The following AGBL4 variants were observed in gnomAD, a reference collection of about 807,000 sequenced individuals.
AGBL4 encodes AGBL carboxypeptidase 4, also known as cytosolic carboxypeptidase 6.
AGBL4 carries 58 observed loss-of-function variants against 66.4 expected under a neutral mutation model. That is an observed-to-expected ratio of 0.87 (90% CI 0.71 to 1.09). AGBL4 has a LOEUF of 1.09. Ranked by LOEUF, AGBL4 falls within the 50% of genes least tolerant of loss-of-function variation. The pLI is 0.00. For synonymous variants in AGBL4, 234 were observed against 222.9 expected (o/e 1.05, Z -0.44); for missense variants, 579 against 631.0 (o/e 0.92, Z 0.88).
At chr1:49,350,771 C>A (rs35185599) in intron 3 of AGBL4, among the ~76,000 whole-genome samples, 4 of 151,826 alleles carry the variant, frequency 2.6e-5, no homozygotes, top group Admixed American at 1.3e-4. Flanking sequence ...AACCTTCCCC[C>A]CAACTCCCCA....
chr1:48,600,286 G>A (rs1645055017), intron 9 of AGBL4, among the ~76,000 whole-genome samples: 1 of 152,148 alleles, frequency 6.6e-6, no homozygotes, highest in Non-Finnish European at 1.5e-5. Flanking sequence ...GGTGTGGGAA[G>A]TTCCCAGGGC....
At chr1:48,890,820 G>A (rs1025860820) in intron 5 of AGBL4, among the ~76,000 whole-genome samples, 2 of 152,312 alleles carry the variant, frequency 1.3e-5, no homozygotes, top group African/African-American at 4.8e-5. Flanking sequence ...ATCAAAGATC[G>A]TTATGCCCAT....
chr1:48,850,778 C>T (rs1647015963), intron 6 of AGBL4, among the ~76,000 whole-genome samples: 1 of 152,104 alleles, frequency 6.6e-6, no homozygotes, highest in African/African-American at 2.4e-5. Context: ...CAGCCTCCCA[C>T]CCATTCAGTT....
At chr1:49,272,659 C>T (rs1644085921) in intron 3 of AGBL4, among the ~76,000 whole-genome samples, 1 of 152,064 alleles carries the variant, frequency 6.6e-6, no homozygotes, top group Non-Finnish European at 1.5e-5. Flanking sequence ...TTTAAAAAGA[C>T]ACAATTTAAA....
chr1:49,310,337 C>A (rs1360886726), intron 3 of AGBL4, among the ~76,000 whole-genome samples: 1 of 152,030 alleles, frequency 6.6e-6, no homozygotes, highest in Non-Finnish European at 1.5e-5. Flanking sequence ...ACTGTTTTAG[C>A]AATAGATTAT....
chr1:49,143,199 TA>T (rs1420005830), intron 4 of AGBL4, among the ~76,000 whole-genome samples: 1 of 152,178 alleles, frequency 6.6e-6, no homozygotes, highest in African/African-American at 2.4e-5. Flanking sequence ...GGAGAAGCCA[TA>T]CTGAACTTGT....
intron 2 of AGBL4, among the ~76,000 whole-genome samples, chr1:49,710,354 C>T (rs1558182737): frequency 1.3e-5 from 2 of 152,096 alleles, no homozygotes; most frequent in Non-Finnish European, 2.9e-5. Flanking sequence ...AAACCAAACA[C>T]CGCAAGTTTT....
intron 1 of AGBL4, among the ~76,000 whole-genome samples, chr1:49,972,043 G>A (rs1421521959): frequency 6.7e-5 from 10 of 149,052 alleles, no homozygotes; most frequent in African/African-American, 1.2e-4. Flanking sequence ...TCAGCCTCCC[G>A]AGTAGCTGGG....
In AGBL4 at chr1:48,785,320, A is replaced by G. The variant is rs573273217; in HGVS notation, c.634+81871T>C. On this transcript the variant is annotated intron_variant, in intron 6 of 13. Coordinates refer to ENST00000371839, the MANE Select transcript of AGBL4 (RefSeq NM_032785.4). ...CCTTGTGCCTAACCTGGCACATGAG[A>G]AACCCTAAACAGACACTTGTTGAAT... Among the ~76,000 whole-genome samples, 5 of 152,324 alleles carry G rather than the reference A, an allele frequency of 3.3e-5. No homozygotes were observed. In the East Asian group the frequency reaches 9.7e-4, roughly 29 times the overall value.
intron 4 of AGBL4, among the ~76,000 whole-genome samples, chr1:49,074,797 G>A (rs979919220): frequency 4.6e-5 from 7 of 152,060 alleles, no homozygotes; most frequent in African/African-American, 1.7e-4. Context: ...ACTAGTCTGG[G>A]GGATCTTCTA....
chr1:49,092,794 T>C (rs146311421), intron 4 of AGBL4, among the ~76,000 whole-genome samples: 2 of 152,226 alleles, frequency 1.3e-5, no homozygotes, highest in African/African-American at 4.8e-5. Flanking sequence ...TTCAAATATT[T>C]GTTGAAGGAA....
At chr1:49,531,801 C>T (rs1167310) in intron 3 of AGBL4, among the ~76,000 whole-genome samples, 103,114 of 151,780 alleles carry the variant, frequency 0.68, 35,831 homozygotes, top group African/African-American at 0.77. Flanking sequence ...TACACTAGCA[C>T]GTTACTATTG....
At chr1:49,023,765 A>G (rs1663424948) in intron 5 of AGBL4, among the ~76,000 whole-genome samples, 1 of 152,198 alleles carries the variant, frequency 6.6e-6, no homozygotes, top group Non-Finnish European at 1.5e-5. Context: ...AATATTATAA[A>G]TGGCAGAATC....
chr1:49,265,276 AG>A (rs1285054097), intron 3 of AGBL4, among the ~76,000 whole-genome samples: 1 of 152,178 alleles, frequency 6.6e-6, no homozygotes, highest in East Asian at 1.9e-4. Context: ...AGTGGGGAAA[AG>A]CTCTTTGGAG....
In AGBL4 at chr1:48,707,299, C is replaced by T. The variant is rs180851737; in HGVS notation, c.635-44058G>A. The stretch of plus-strand genomic sequence containing the variant: ...ACAGAGTGAGACCCTATATCCAAAA[C>T]AACAACAACAACAACAACAAAAACA... On this transcript the variant is annotated intron_variant, in intron 6 of 13. Transcript: ENST00000371839. 2.5e-3 allele frequency among the ~76,000 whole-genome samples: 385 copies of T among 151,874 alleles called. 3 individuals carry two copies. The highest frequency in any genetic ancestry group is 9.0e-3 in the African/African-American group (373 of 41,422).
chr1:49,873,725 A>C (rs1010983181), intron 1 of AGBL4, among the ~76,000 whole-genome samples: 2 of 151,982 alleles, frequency 1.3e-5, no homozygotes, highest in African/African-American at 4.8e-5. Flanking sequence ...AAGCCCTCAA[A>C]ATCATCTTTG....
intron 3 of AGBL4, among the ~76,000 whole-genome samples, chr1:49,275,866 G>A (rs1644157387): frequency 6.6e-6 from 1 of 151,822 alleles, no homozygotes; most frequent in Non-Finnish European, 1.5e-5. Flanking sequence ...TAAACTTTGG[G>A]GAAAATCACC....
chr1:49,772,991 A>G (rs1644104412), intron 2 of AGBL4, among the ~76,000 whole-genome samples: 1 of 152,130 alleles, frequency 6.6e-6, no homozygotes, highest in Non-Finnish European at 1.5e-5. Flanking sequence ...TTGATCACTT[A>G]ATAGCGTCTC....
intron 6 of AGBL4, chr1:48,728,080 G>A: frequency 1.3e-6 from 2 of 1,529,792 alleles, no homozygotes; most frequent in Non-Finnish European, 1.8e-6. Flanking sequence ...AGGATTAATG[G>A]TGAATTCAAG....
Sources: gnomAD v4.1 joint callset for allele counts (sites outside exome capture counted in the v4.1 genomes callset) on GRCh38, gnomAD v4.1.1 for gene constraint, MANE v1.5 for transcripts, NCBI Gene and HGNC (gene_info 2026-07-23, HGNC 2026-07-21) for gene names.